USP32: variants seen among roughly 807,000 people sequenced by gnomAD.
USP32 encodes ubiquitin carboxyl-terminal hydrolase 32.
In USP32, 59 loss-of-function variants were observed where a neutral mutation model predicts 204.8. The observed-to-expected ratio is 0.29, with a 90% confidence interval of 0.23 to 0.36. The LOEUF is 0.36. Among genes scored for constraint, USP32 ranks in the 10% least tolerant of loss-of-function variants. The pLI, the probability that USP32 is intolerant of heterozygous loss-of-function variation, is 1.00. For synonymous variants in USP32, 517 were observed against 678.4 expected (o/e 0.76, Z 3.70); for missense variants, 1,160 against 1,946.4 (o/e 0.60, Z 7.60).
intron 28 of USP32, among the ~76,000 whole-genome samples, chr17:60,191,002 C>G (rs2084366278): frequency 1.3e-5 from 2 of 152,158 alleles, no homozygotes; most frequent in South Asian, 4.1e-4. Flanking sequence ...CTACAGCACT[C>G]AAGAAATTCC....
chr17:60,361,080 G>T (rs975785794), intron 1 of USP32, among the ~76,000 whole-genome samples: 1 of 152,066 alleles, frequency 6.6e-6, no homozygotes, highest in Non-Finnish European at 1.5e-5. Flanking sequence ...AGTGAGCTGA[G>T]AACATGCCAC....
chr17:60,371,403 C>T (rs2089439183), intron 1 of USP32, among the ~76,000 whole-genome samples: 2 of 151,974 alleles, frequency 1.3e-5, no homozygotes, highest in South Asian at 2.1e-4. Flanking sequence ...CCCGTCTCTA[C>T]TAAAAATACA....
intron 18 of USP32, among the ~76,000 whole-genome samples, chr17:60,212,900 C>T (rs1398572422): frequency 5.9e-5 from 9 of 151,998 alleles, no homozygotes; most frequent in Non-Finnish European, 1.3e-4. Context: ...ACTACAGGCA[C>T]GTGCCACCAC....
intron 1 of USP32, among the ~76,000 whole-genome samples, chr17:60,415,036 C>A (rs959469910): frequency 1.3e-5 from 2 of 151,982 alleles, no homozygotes; most frequent in Non-Finnish European, 2.9e-5. Flanking sequence ...GAGTTCAGTC[C>A]TCTGTTTATA....
intron 1 of USP32, among the ~76,000 whole-genome samples, chr17:60,357,341 T>C (rs1296748708): frequency 6.6e-6 from 1 of 151,938 alleles, no homozygotes; most frequent in Non-Finnish European, 1.5e-5. Flanking sequence ...TGGTTCCAGC[T>C]ACACGGGAAG....
intron 5 of USP32, among the ~76,000 whole-genome samples, chr17:60,280,050 T>C (rs1239346129): frequency 1.3e-5 from 2 of 152,042 alleles, no homozygotes; most frequent in South Asian, 4.2e-4. Context: ...AAAATGTAAT[T>C]ACCATGACAA....
intron 5 of USP32, 78 bp from the exon 6 acceptor site, chr17:60,271,559 T>G: frequency 7.2e-7 from 1 of 1,387,114 alleles, no homozygotes; most frequent in Non-Finnish European, 9.7e-7. Flanking sequence ...ATAATATATC[T>G]TCCACAGATA....
chr17:60,307,594 G>C (rs1416189763), intron 2 of USP32, among the ~76,000 whole-genome samples: 3 of 152,116 alleles, frequency 2.0e-5, no homozygotes, highest in African/African-American at 7.2e-5. Flanking sequence ...CATACTACCT[G>C]ACTTCAAACT....
chr17:60,245,228 A>ATT (rs61362181), intron 11 of USP32: 32 of 190,952 alleles, frequency 1.7e-4, no homozygotes, highest in South Asian at 2.6e-4. Flanking sequence ...GGTGCTCTTT[A>ATT]TTTTTTTTTT....
At chr17:60,180,514 T>C (rs144299601) in intron 33 of USP32, 31 bp downstream of exon 33, 21,683 of 1,604,182 alleles carry the variant, frequency 0.014, 183 homozygotes, top group South Asian at 0.018. Context: ...ATTCTGTTTC[T>C]AACTTTCATT....
At chr17:60,215,936 G>C (rs1056626838) in intron 16 of USP32, among the ~76,000 whole-genome samples, 14 of 152,098 alleles carry the variant, frequency 9.2e-5, no homozygotes, top group Admixed American at 7.9e-4. Context: ...CAAGGCTCAG[G>C]GAATCCTCCC....
At chr17:60,202,492 T>A (rs1400498304) in intron 26 of USP32, among the ~76,000 whole-genome samples, 1 of 147,908 alleles carries the variant, frequency 6.8e-6, no homozygotes, top group Non-Finnish European at 1.5e-5. Flanking sequence ...GACTTTGCAT[T>A]TGTATTGGGA....
intron 1 of USP32, among the ~76,000 whole-genome samples, chr17:60,414,974 C>T (rs1415072257): frequency 6.6e-6 from 1 of 152,024 alleles, no homozygotes; most frequent in Non-Finnish European, 1.5e-5. Flanking sequence ...ACCTCAGCCT[C>T]CTGAGTAGCT....
intron 2 of USP32, among the ~76,000 whole-genome samples, chr17:60,312,726 T>C (rs1046377879): frequency 3.3e-5 from 5 of 152,178 alleles, no homozygotes; most frequent in East Asian, 3.8e-4. Flanking sequence ...AAAAAATATA[T>C]ACCTTTCCAA....
intron 31 of USP32, among the ~76,000 whole-genome samples, chr17:60,182,958 G>A (rs2084151040): frequency 6.6e-6 from 1 of 152,084 alleles, no homozygotes. Context: ...TGTAAACCTG[G>A]CATTATCTCC....
chr17:60,378,992 T>C (rs1345879420), intron 1 of USP32, among the ~76,000 whole-genome samples: 1 of 152,190 alleles, frequency 6.6e-6, no homozygotes, highest in Admixed American at 6.5e-5. Context: ...GGGAGAGCTA[T>C]GTACATACCT....
intron 1 of USP32, among the ~76,000 whole-genome samples, chr17:60,403,704 CTA>C (rs1598319321): frequency 6.6e-6 from 1 of 152,100 alleles, no homozygotes; most frequent in Non-Finnish European, 1.5e-5. Context: ...CAGGGACAAA[CTA>C]TATATTTTTT....
intron 29 of USP32, among the ~76,000 whole-genome samples, chr17:60,188,155 A>AT (rs1440673739): frequency 2.0e-5 from 3 of 151,994 alleles, no homozygotes; most frequent in African/African-American, 4.8e-5. Flanking sequence ...TAATCTGTGC[A>AT]TTTTTTGTAA....
At chr17:60,267,712 G>A (rs1189420178) in intron 7 of USP32, among the ~76,000 whole-genome samples, 1 of 151,832 alleles carries the variant, frequency 6.6e-6, no homozygotes, top group African/African-American at 2.4e-5. Flanking sequence ...GTAGAGACAG[G>A]GTTTCACCAT....
Sources: gnomAD v4.1 joint callset for allele counts (sites outside exome capture counted in the v4.1 genomes callset) on GRCh38, gnomAD v4.1.1 for gene constraint, MANE v1.5 for transcripts, NCBI Gene and HGNC (gene_info 2026-07-23, HGNC 2026-07-21) for gene names.